MRPS27: variants seen among roughly 807,000 people sequenced by gnomAD.
The protein encoded by MRPS27 is small ribosomal subunit protein mS27.
Under a neutral mutation model 48.9 loss-of-function variants are expected in MRPS27, and 43 were observed. That is an observed-to-expected ratio of 0.88 (90% CI 0.69 to 1.13). MRPS27 has a LOEUF of 1.13. Ranked by LOEUF, MRPS27 falls within the 50% of genes most tolerant of loss-of-function variation. The probability of loss-of-function intolerance (pLI) is 0.00; values close to 1 mark genes in which losing one functional copy is unlikely to be tolerated. For missense variants in MRPS27, 467 were observed against 476.3 expected, an observed-to-expected ratio of 0.98 and a Z score of 0.18; for synonymous variants, 188 against 171.9, an observed-to-expected ratio of 1.09 and a Z score of -0.73.
At chr5:72,249,256 G>A (rs1342319970) in intron 4 of MRPS27, among the ~76,000 whole-genome samples, 1 of 152,180 alleles carries the variant, frequency 6.6e-6, no homozygotes, top group Non-Finnish European at 1.5e-5. Flanking sequence ...CATTTGATGA[G>A]GTCAAAGCTC....
At chr5:72,240,469 A>G (rs981119233) in intron 4 of MRPS27, among the ~76,000 whole-genome samples, 31 of 152,226 alleles carry the variant, frequency 2.0e-4, no homozygotes, top group Admixed American at 5.9e-4. Flanking sequence ...AATGCCAATT[A>G]CTACCCTCAC....
intron 4 of MRPS27, among the ~76,000 whole-genome samples, chr5:72,263,460 ATAT>A: frequency 6.6e-6 from 1 of 151,688 alleles, no homozygotes. Flanking sequence ...TTTGCATTAA[ATAT>A]TATCAAAAAA....
At position 72,295,567 on chromosome 5, in the gene MRPS27, C is replaced by A; in HGVS notation, c.245G>T (p.Arg82Leu). ...ATACTCTGCATGATCTATCTCTTCC[C>A]GAGAGGAAATGTTGTCTATAAGCTA... is the stretch of plus-strand genomic sequence containing the variant. ...ISRLIDNISS[R>L]EEIDHAEYYL... The change falls in exon 4 of 11, where the codon CGG becomes CTG. Residue 82 changes from arginine (R) to leucine (L), a missense_variant. Physicochemically the swap from Arg to Leu is moderately radical, Grantham distance 102. Transcript: ENST00000261413. 1 of 1,610,368 alleles carries A rather than the reference C, an allele frequency of 6.2e-7. No homozygotes were observed. The highest frequency in any genetic ancestry group is 8.5e-7 in the Non-Finnish European group (1 of 1,176,924).
chr5:72,303,674 AAAAT>A, intron 2 of MRPS27, among the ~76,000 whole-genome samples: 1 of 152,248 alleles, frequency 6.6e-6, no homozygotes, highest in East Asian at 1.9e-4. Context: ...TAAAATCCAG[AAAAT>A]AGAATAAAAT....
chr5:72,287,796 G>A (rs536324288), intron 4 of MRPS27, among the ~76,000 whole-genome samples: 7 of 152,220 alleles, frequency 4.6e-5, no homozygotes, highest in Admixed American at 1.3e-4. Context: ...TGGAGGAAGC[G>A]GAACTGCTGT....
chr5:72,221,382 G>A (rs964375691), intron 10 of MRPS27, among the ~76,000 whole-genome samples: 1 of 152,150 alleles, frequency 6.6e-6, no homozygotes, highest in Non-Finnish European at 1.5e-5. Context: ...TTTCATTCAG[G>A]TGCTGTTAGC....
chr5:72,254,493 T>A (rs1487801177), intron 4 of MRPS27, among the ~76,000 whole-genome samples: 2 of 152,146 alleles, frequency 1.3e-5, no homozygotes, highest in Non-Finnish European at 2.9e-5. Context: ...CACTAAACAC[T>A]AAACTAAATA....
rs752399604 is a variant in MRPS27 at position 72,294,314 on chromosome 5, AAAC to A, written c.281+1214_281+1216del. Among the ~76,000 whole-genome samples, 130 of 152,116 alleles carry A rather than the reference AAAC, an allele frequency of 8.5e-4. No homozygotes were observed. The East Asian group carries it at 0.015, about 17-fold the overall frequency. On this transcript the variant is annotated intron_variant, in intron 4 of 10. Transcript: ENST00000261413. ...AAACTACTCCCCAAAAAACCCCCCAAAACAACAACAACAACAACAAAAAATAAA... is the reference window on the plus strand; with the variant it reads ...AAACTACTCCCCAAAAAACCCCCCAAAACAACAACAACAACAAAAAATAAA...
chr5:72,240,433 A>T (rs1748318653), intron 4 of MRPS27, among the ~76,000 whole-genome samples: 1 of 150,274 alleles, frequency 6.7e-6, no homozygotes, highest in Non-Finnish European at 1.5e-5. Flanking sequence ...ATTTTTTGGT[A>T]ATGACTTTGG....
intron 6 of MRPS27, among the ~76,000 whole-genome samples, chr5:72,232,776 A>C (rs1748097885): frequency 6.6e-6 from 1 of 152,192 alleles, no homozygotes; most frequent in South Asian, 2.1e-4. Context: ...GAACGAACTA[A>C]ATCAGGTGCT....
At chr5:72,299,663 C>A (rs1157967129) in intron 2 of MRPS27, among the ~76,000 whole-genome samples, 2 of 152,198 alleles carry the variant, frequency 1.3e-5, no homozygotes, top group Admixed American at 1.3e-4. Flanking sequence ...TTGGTTCCTT[C>A]TAGCAGAACA....
intron 4 of MRPS27, among the ~76,000 whole-genome samples, chr5:72,244,401 C>T (rs1748449943): frequency 6.6e-6 from 1 of 152,176 alleles, no homozygotes; most frequent in South Asian, 2.1e-4. Context: ...CCTGGAAACA[C>T]ACTGGTATAA....
intron 4 of MRPS27, among the ~76,000 whole-genome samples, chr5:72,269,272 C>A (rs1459812216): frequency 6.6e-6 from 1 of 152,192 alleles, no homozygotes; most frequent in African/African-American, 2.4e-5. Context: ...CAGTGTTTTT[C>A]TTGCTTGCAC....
chr5:72,297,698 A>G lies in MRPS27; in HGVS notation c.156T>C (p.Asp52=), dbSNP rs369120934. 5 of 1,592,772 alleles carry G rather than the reference A, an allele frequency of 3.1e-6. No individual in the cohort carries two copies. In the African/African-American group the frequency reaches 6.7e-5, roughly 21 times the overall value. ...AREKEHYCLA[D]LASLMDKTFE... is the part of the protein sequence containing the mutation. ...ATGTTTTATCCATTAAAGATGCAAGATCAGCTGTGAAGACAAAAAAAGAAA... is the reference window on the plus strand; with the variant it reads ...ATGTTTTATCCATTAAAGATGCAAGGTCAGCTGTGAAGACAAAAAAAGAAA... Residue 52 remains aspartate, a synonymous_variant, in exon 3 of 11, where the codon GAT becomes GAC. Coordinates refer to ENST00000261413, the MANE Select transcript of MRPS27 (RefSeq NM_015084.3).
chr5:72,220,112 A>G lies in MRPS27; in HGVS notation c.*797T>C, dbSNP rs997758286. On this transcript the variant is annotated 3_prime_UTR_variant, in exon 11 of 11. Transcript: ENST00000261413. ...ATGTGGGAATGTGTGAGTATCCCAC[A>G]GCCAGCTCACAGTGCAGCTTGCACT... 6.5e-6 allele frequency: 1 copy of G among 152,844 alleles called. No individual in the cohort carries two copies. The highest frequency in any genetic ancestry group is 2.4e-5 in the African/African-American group (1 of 41,472). The allele number at this position is 152,844 out of a possible 1,614,324, so 9.5% of individuals were successfully genotyped here.
intron 4 of MRPS27, among the ~76,000 whole-genome samples, chr5:72,253,526 G>T (rs892426497): frequency 1.3e-5 from 2 of 152,118 alleles, no homozygotes; most frequent in African/African-American, 4.8e-5. Context: ...TCAAATTAAA[G>T]AAATTCTAAG....
rs1328682442 is a variant in MRPS27, at chr5:72,262,581, T to C, written c.282-24453A>G. 2.2e-4 allele frequency among the ~76,000 whole-genome samples: 33 copies of C among 150,946 alleles called. 1 individual carries two copies. Among genetic ancestry groups the C allele is most frequent in the Admixed American group, 2.1e-3 (32 of 15,172 alleles). The stretch of plus-strand genomic sequence containing the variant: ...CCCATTAAAGGATAAGCAAGGGCTA[T>C]ATGAAAACATCTACACTATAATCAA... On this transcript the variant is annotated intron_variant, in intron 4 of 10. Transcript: ENST00000261413.
chr5:72,299,561 A>G (rs983544742), intron 2 of MRPS27, among the ~76,000 whole-genome samples: 1 of 152,258 alleles, frequency 6.6e-6, no homozygotes, highest in African/African-American at 2.4e-5. Flanking sequence ...TTAAAAATTG[A>G]AATTTATCAA....
chr5:72,314,470 G>A lies in MRPS27; in HGVS notation c.74-312C>T, dbSNP rs192771145. On this transcript the variant is annotated intron_variant, in intron 1 of 10. Transcript: ENST00000261413. ...CACAGGCACAATCCCACTACTGATC[G>A]GCACAGGAATTTTGATGTGCTCAGT... 2.0e-4 allele frequency: 39 copies of A among 194,108 alleles called. No homozygotes were observed. In the East Asian group the frequency reaches 2.1e-3, roughly 10 times the overall value. The allele number at this position is 194,108 out of a possible 1,614,324, so 12.0% of individuals were successfully genotyped here.
Sources: allele counts gnomAD v4.1 joint callset (sites outside exome capture counted in the v4.1 genomes callset), GRCh38; gene constraint gnomAD v4.1.1; transcripts MANE v1.5; gene names NCBI Gene and HGNC (gene_info 2026-07-23, HGNC 2026-07-21).